The following RAB15 variants were observed in gnomAD, a reference collection of about 807,000 sequenced individuals.
RAB15 encodes the protein ras-related protein Rab-15.
In RAB15, 13 loss-of-function variants were observed where a neutral mutation model predicts 31.8. The ratio of observed to expected loss-of-function variants is 0.41; its 90% CI spans 0.27 to 0.65. The LOEUF is 0.65. RAB15 is among the 30% of genes least tolerant of loss of function. RAB15 has a pLI of 0.32. For synonymous variants in RAB15, 100 were observed against 105.6 expected (o/e 0.95, Z 0.33); for missense variants, 220 against 277.3 (o/e 0.79, Z 1.47).
At chr14:64,961,310 C>T (rs1886843515) in intron 1 of RAB15, among the ~76,000 whole-genome samples, 1 of 152,192 alleles carries the variant, frequency 6.6e-6, no homozygotes, top group South Asian at 2.1e-4. Context: ...TCACCCTGTG[C>T]AGCCCTCAAA....
Position 64,951,785 on chromosome 14 carries a change from CTTGG to C in RAB15, c.186-126_186-123del. Reference sequence around the variant, plus strand: ...GCTAAAGGGTGAAAAACCAGGGATGCTTGGATCCCCACAGGGATCTGCAGTCAGA... The same window carrying C: ...GCTAAAGGGTGAAAAACCAGGGATGCATCCCCACAGGGATCTGCAGTCAGA... On this transcript the variant is annotated intron_variant, in intron 2 of 6. Transcript: ENST00000533601. This position sits in a 1 kb window ranked among gnomAD's most constrained non-coding sequence, Gnocchi z 7.2. 1.2e-6 allele frequency: 1 copy of C among 812,254 alleles called. No homozygotes were observed. The highest frequency in any genetic ancestry group is 2.1e-6 in the Non-Finnish European group (1 of 473,198). 50.3% of individuals were successfully genotyped at this position (812,254 alleles called of 1,614,324 possible).
chr14:64,960,457 G>C (rs552318136), intron 1 of RAB15, among the ~76,000 whole-genome samples: 1 of 152,308 alleles, frequency 6.6e-6, no homozygotes, highest in Admixed American at 6.5e-5. Context: ...TGGCCATTAA[G>C]AGCACAATTG....
chr14:64,948,237 A>G lies in RAB15; in HGVS notation c.*117T>C, dbSNP rs963085329. ...CAGGCAGGGGGAGTAGTGGCTACTG[A>G]TACTCAATAGGGTCATCACACGAGA... On this transcript the variant is annotated 3_prime_UTR_variant, in exon 7 of 7. Coordinates refer to ENST00000533601, the MANE Select transcript of RAB15 (RefSeq NM_001308154.2). The surrounding 1 kb of genome is among the most constrained non-coding windows in gnomAD (Gnocchi z 7.0). 4 of 1,104,934 alleles carry G rather than the reference A, an allele frequency of 3.6e-6. No individual in the cohort carries two copies. The allele number at this position is 1,104,934 out of a possible 1,614,324, so 68.4% of individuals were successfully genotyped here.
At position 64,954,326 on chromosome 14, in the gene RAB15, C is replaced by T; in HGVS notation, c.125-1755G>A. 1 of 985,424 alleles carries T rather than the reference C, an allele frequency of 1.0e-6. No homozygotes were observed. The highest frequency in any genetic ancestry group is 1.2e-6 in the Non-Finnish European group (1 of 829,922). 61.0% of individuals were successfully genotyped at this position (985,424 alleles called of 1,614,324 possible). A position where few individuals can be genotyped will look rare whatever the true frequency, so the allele number is the denominator to read the frequency against. On this transcript the variant is annotated intron_variant, in intron 1 of 6. Transcript: ENST00000533601. The surrounding 1 kb of genome is among the most constrained non-coding windows in gnomAD (Gnocchi z 4.3). The stretch of plus-strand genomic sequence containing the variant: ...TATTTCTGCCTGGATCAACGGTTAT[C>T]AGGCACCTGTTTCTCCCCAGTACCT...
chr14:64,965,009 G>C (rs1440131220), intron 1 of RAB15, among the ~76,000 whole-genome samples: 1 of 152,070 alleles, frequency 6.6e-6, no homozygotes, highest in African/African-American at 2.4e-5. Flanking sequence ...ACAGTGGTGT[G>C]ATCACAGCTC....
At chr14:64,966,128 G>A (rs1887125241) in intron 1 of RAB15, among the ~76,000 whole-genome samples, 1 of 152,188 alleles carries the variant, frequency 6.6e-6, no homozygotes, top group Non-Finnish European at 1.5e-5. Context: ...GGGTACTAGA[G>A]CAGAAACTGA....
rs1887466091 is a variant in RAB15, at chr14:64,972,164, GGA to G, written c.-90_-89del. On this transcript the variant is annotated 5_prime_UTR_variant, in exon 1 of 7. Coordinates refer to ENST00000533601, the MANE Select transcript of RAB15 (RefSeq NM_001308154.2). The surrounding 1 kb of genome is among the most constrained non-coding windows in gnomAD (Gnocchi z 6.3). ...GCCATCGCGGCCCGCGCCCGCCCGG[GGA>G]CGCTGCGGGCGGCGAGGAGGACGCC... is the stretch of plus-strand genomic sequence containing the variant. The G allele has an allele frequency of 1.8e-6, 2 of 1,125,124 alleles. No individual in the cohort carries two copies. Among genetic ancestry groups the G allele is most frequent in the South Asian group, 8.7e-5 (2 of 23,006 alleles). 69.7% of individuals were successfully genotyped at this position (1,125,124 alleles called of 1,614,324 possible).
Position 64,972,109 on chromosome 14 carries a change from G to T in RAB15, c.-33C>A. ...GCCAGCGGGGCCGGGAACTGCGGGC[G>T]GGCAGCGGGCTCAGCCCTGCTCCGC... is the stretch of plus-strand genomic sequence containing the variant. On this transcript the variant is annotated 5_prime_UTR_variant, in exon 1 of 7. Coordinates refer to ENST00000533601, the MANE Select transcript of RAB15 (RefSeq NM_001308154.2). This position sits in a 1 kb window ranked among gnomAD's most constrained non-coding sequence, Gnocchi z 6.3. The T allele has an allele frequency of 6.4e-7, 1 of 1,557,250 alleles. No individual in the cohort carries two copies. The highest frequency in any genetic ancestry group is 2.5e-5 in the East Asian group (1 of 40,508).
rs151241536 is a variant in RAB15 at position 64,949,756 on chromosome 14, A to G, written c.414+569T>C. 3.3e-5 allele frequency among the ~76,000 whole-genome samples: 5 copies of G among 151,952 alleles called. No individual in the cohort carries two copies. In the East Asian group the frequency reaches 7.7e-4, roughly 24 times the overall value. Reference sequence around the variant, plus strand: ...AAAAAAAAAGAAAGAAAGAAAAAAAAAATAACCAATATTTCTTTCTGCTCT... The same window carrying G: ...AAAAAAAAAGAAAGAAAGAAAAAAAGAATAACCAATATTTCTTTCTGCTCT... On this transcript the variant is annotated intron_variant, in intron 5 of 6. Transcript: ENST00000533601.
At chr14:64,949,525 G>A (rs1196196099) in intron 5 of RAB15, among the ~76,000 whole-genome samples, 6 of 151,838 alleles carry the variant, frequency 4.0e-5, no homozygotes, top group South Asian at 2.1e-4. Context: ...GTTCGAGACC[G>A]GCCTGGCCAA....
intron 1 of RAB15, among the ~76,000 whole-genome samples, chr14:64,961,879 C>T (rs1174479475): frequency 1.1e-4 from 17 of 150,562 alleles, no homozygotes; most frequent in Admixed American, 3.3e-4. Flanking sequence ...CACACCACTG[C>T]ACTCCAGTCT....
chr14:64,967,791 T>C (rs1887215467), intron 1 of RAB15, among the ~76,000 whole-genome samples: 1 of 152,116 alleles, frequency 6.6e-6, no homozygotes, highest in East Asian at 1.9e-4. Flanking sequence ...AGTTGCCAGG[T>C]TGATTGGCTT....
In RAB15 at chr14:64,950,287, G is replaced by T; in HGVS notation, c.414+38C>A. The T allele has an allele frequency of 6.5e-7, 1 of 1,540,602 alleles. No homozygotes were observed. The highest frequency in any genetic ancestry group is 9.0e-7 in the Non-Finnish European group (1 of 1,113,598). ...CAGGACTGGCCCTGGAGGCCCAGCAGAGGACCTGGGGTGGACTTGCCTTTT... is the reference window on the plus strand; with the variant it reads ...CAGGACTGGCCCTGGAGGCCCAGCATAGGACCTGGGGTGGACTTGCCTTTT... On this transcript the variant is annotated intron_variant, in intron 5 of 6. Transcript: ENST00000533601. The surrounding 1 kb of genome is among the most constrained non-coding windows in gnomAD (Gnocchi z 5.6).
At position 64,971,516 on chromosome 14, in the gene RAB15, C is replaced by T. The variant is rs1475986814; in HGVS notation, c.124+437G>A. ...CCCCCTCGCCCCCCGCCGGCTCCACCTTGGGTCACCACAGAACCAAGGGCG... is the reference window on the plus strand; with the variant it reads ...CCCCCTCGCCCCCCGCCGGCTCCACTTTGGGTCACCACAGAACCAAGGGCG... On this transcript the variant is annotated intron_variant, in intron 1 of 6. Coordinates refer to ENST00000533601, the MANE Select transcript of RAB15 (RefSeq NM_001308154.2). This position sits in a 1 kb window ranked among gnomAD's most constrained non-coding sequence, Gnocchi z 4.1. 6.6e-6 allele frequency among the ~76,000 whole-genome samples: 1 copy of T among 152,010 alleles called. No homozygotes were observed. Among genetic ancestry groups the T allele is most frequent in the Non-Finnish European group, 1.5e-5 (1 of 67,958 alleles).
intron 5 of RAB15, among the ~76,000 whole-genome samples, chr14:64,949,875 G>T (rs936760909): frequency 1.3e-5 from 2 of 152,006 alleles, no homozygotes; most frequent in Non-Finnish European, 2.9e-5. Flanking sequence ...GTGGCTCTTT[G>T]TCTCCTCATT....
At chr14:64,967,888 G>C (rs1471456257) in intron 1 of RAB15, among the ~76,000 whole-genome samples, 1 of 152,196 alleles carries the variant, frequency 6.6e-6, no homozygotes, top group Non-Finnish European at 1.5e-5. Flanking sequence ...GGGCCATTCA[G>C]AGGTTCCTTC....
Position 64,958,405 on chromosome 14 carries a change from C to G in RAB15, c.125-5834G>C, listed in dbSNP as rs540563889. Among the ~76,000 whole-genome samples the G allele has an allele frequency of 6.6e-6, 1 of 152,278 alleles. No individual in the cohort carries two copies. The highest frequency in any genetic ancestry group is 1.9e-4 in the East Asian group (1 of 5,176). On this transcript the variant is annotated intron_variant, in intron 1 of 6. Transcript: ENST00000533601. The surrounding 1 kb of genome is among the most constrained non-coding windows in gnomAD (Gnocchi z 4.4). ...TGAGGATGGAGCTAGAAGGTGCCAC[C>G]TTTGTCACAGAGCATCAGCCTTCAC...
At chr14:64,966,613 A>G (rs4899158) in intron 1 of RAB15, among the ~76,000 whole-genome samples, 70,861 of 151,962 alleles carry the variant, frequency 0.47, 19,186 homozygotes, top group African/African-American at 0.75. Flanking sequence ...CAAGTGCTTT[A>G]TATGCGCTAG....
chr14:64,961,409 T>C (rs988137269), intron 1 of RAB15, among the ~76,000 whole-genome samples: 3 of 152,224 alleles, frequency 2.0e-5, no homozygotes, highest in African/African-American at 7.2e-5. Context: ...CTTTGGTATA[T>C]GCAGAGATGA....
Sources: allele counts gnomAD v4.1 joint callset (sites outside exome capture counted in the v4.1 genomes callset), GRCh38; gene constraint gnomAD v4.1.1; non-coding constraint Gnocchi (gnomAD v3.1); transcripts MANE v1.5; gene names NCBI Gene and HGNC (gene_info 2026-07-23, HGNC 2026-07-21).